The following SORBS2 variants were observed in gnomAD, a reference collection of about 807,000 sequenced individuals.
The protein encoded by SORBS2 is sorbin and SH3 domain-containing protein 2.
Under a neutral mutation model 97.7 loss-of-function variants are expected in SORBS2, and 46 were observed. The observed-to-expected ratio is 0.47, with a 90% CI of 0.37 to 0.60. The LOEUF is 0.60. SORBS2 is among the 20% of genes least tolerant of loss of function. SORBS2 has a pLI of 0.00. For synonymous variants in SORBS2, 476 were observed against 473.4 expected (o/e 1.01, Z -0.07); for missense variants, 1,316 against 1,282.3 (o/e 1.03, Z -0.40).
chr4:185,826,367 T>C (rs1373330885), intron 1 of SORBS2, among the ~76,000 whole-genome samples: 1 of 152,208 alleles, frequency 6.6e-6, no homozygotes, highest in Admixed American at 6.5e-5. Flanking sequence ...TACCCTGGTC[T>C]ACGATCACCA....
At chr4:185,609,946 C>A (rs1280081138) in intron 12 of SORBS2, among the ~76,000 whole-genome samples, 1 of 152,204 alleles carries the variant, frequency 6.6e-6, no homozygotes, top group Non-Finnish European at 1.5e-5. Flanking sequence ...TTAAGTATTT[C>A]TTCCTAATTA....
chr4:185,638,109 T>G, intron 4 of SORBS2: 1 of 1,611,006 alleles, frequency 6.2e-7, no homozygotes, highest in Non-Finnish European at 8.5e-7. Context: ...CTGAAAAGAA[T>G]TTATACCAGG....
intron 1 of SORBS2, among the ~76,000 whole-genome samples, chr4:185,901,618 AG>A (rs531756940): frequency 3.8e-4 from 58 of 152,368 alleles, no homozygotes; most frequent in African/African-American, 1.4e-3. Context: ...TCATGTCTAT[AG>A]AGCTTTTAAC....
At chr4:185,724,451 G>A (rs2098541283) in intron 2 of SORBS2, among the ~76,000 whole-genome samples, 1 of 152,028 alleles carries the variant, frequency 6.6e-6, no homozygotes, top group African/African-American at 2.4e-5. Context: ...CCACAAAACA[G>A]TATCCTATGG....
chr4:185,756,614 A>G (rs1466924649), intron 2 of SORBS2, among the ~76,000 whole-genome samples: 1 of 152,136 alleles, frequency 6.6e-6, no homozygotes, highest in Non-Finnish European at 1.5e-5. Context: ...AATATGTAAT[A>G]TAAGTAACAT....
intron 1 of SORBS2, among the ~76,000 whole-genome samples, chr4:185,943,963 A>C (rs917162312): frequency 5.3e-5 from 8 of 152,200 alleles, no homozygotes; most frequent in African/African-American, 1.9e-4. Context: ...TTGATGTACT[A>C]TTCTTTCAAT....
intron 1 of SORBS2, among the ~76,000 whole-genome samples, chr4:185,826,493 A>C (rs1311797148): frequency 6.6e-6 from 1 of 152,184 alleles, no homozygotes; most frequent in African/African-American, 2.4e-5. Context: ...AAGTCATCCT[A>C]GTCTCTAAAC....
rs2096510575 is a variant in SORBS2, at chr4:185,610,172, A to G, written c.2796+1608T>C. ...TAAATATTATATTAGGACATATGGA[A>G]GAATTTGTTAGATGTTTAATGAGCT... is the stretch of plus-strand genomic sequence containing the variant. On this transcript the variant is annotated intron_variant, in intron 12 of 14. Transcript: ENST00000418609. 3.3e-5 allele frequency among the ~76,000 whole-genome samples: 5 copies of G among 152,222 alleles called. No individual in the cohort carries two copies. The South Asian group carries it at 1.0e-3, about 32-fold the overall frequency.
chr4:185,624,008 A>T, exon 7 of SORBS2: 2 of 1,614,188 alleles, frequency 1.2e-6, no homozygotes, highest in South Asian at 1.1e-5. Flanking sequence ...CACGGAGCAG[A>T]TCACCTCGGA....
rs1475557407 is a variant in SORBS2 at position 185,662,094 on chromosome 4, A to G, written c.94+10T>C. 6 of 1,613,884 alleles carry G rather than the reference A, an allele frequency of 3.7e-6. No homozygotes were observed. Among genetic ancestry groups the G allele is most frequent in the Non-Finnish European group, 5.1e-6 (6 of 1,179,954 alleles). On this transcript the variant is annotated intron_variant, in intron 5 of 20. Transcript: ENST00000284776. ...GTTGCCATGGAAATCACGGTGAGTAAATTACTTACCGAGGGATGTGCCGTG... is the reference window on the plus strand; with the variant it reads ...GTTGCCATGGAAATCACGGTGAGTAGATTACTTACCGAGGGATGTGCCGTG...
intron 1 of SORBS2, among the ~76,000 whole-genome samples, chr4:185,816,886 C>T (rs1261475244): frequency 6.6e-6 from 1 of 152,086 alleles, no homozygotes; most frequent in African/African-American, 2.4e-5. Context: ...GAGAGAAAGC[C>T]AAACCTATTA....
At chr4:185,621,996 A>G (rs543583825) in intron 7 of SORBS2, among the ~76,000 whole-genome samples, 15 of 152,366 alleles carry the variant, frequency 9.8e-5, no homozygotes, top group Admixed American at 3.3e-4. Flanking sequence ...ACCAACTTTC[A>G]GCCCGGAATG....
intron 2 of SORBS2, among the ~76,000 whole-genome samples, chr4:185,717,581 A>G (rs560446798): frequency 2.6e-5 from 4 of 152,314 alleles, no homozygotes; most frequent in South Asian, 2.1e-4. Flanking sequence ...GCTTACACAT[A>G]TAGGTAGAAG....
At chr4:185,761,857 A>G (rs972009987) in intron 2 of SORBS2, among the ~76,000 whole-genome samples, 3 of 152,192 alleles carry the variant, frequency 2.0e-5, no homozygotes, top group Admixed American at 2.0e-4. Context: ...TCTAAACACA[A>G]TGCACTGAAT....
intron 1 of SORBS2, among the ~76,000 whole-genome samples, chr4:185,872,152 T>C (rs1008778402): frequency 6.6e-6 from 1 of 152,210 alleles, no homozygotes; most frequent in Non-Finnish European, 1.5e-5. Context: ...GCACCCTTAA[T>C]AGAAACTCTG....
At chr4:185,907,193 T>C (rs773038839) in intron 1 of SORBS2, among the ~76,000 whole-genome samples, 20 of 151,578 alleles carry the variant, frequency 1.3e-4, no homozygotes, top group Non-Finnish European at 2.8e-4. Flanking sequence ...ATCTATTCCA[T>C]CATATGCTCA....
intron 1 of SORBS2, among the ~76,000 whole-genome samples, chr4:185,936,695 G>A (rs2099269113): frequency 6.6e-6 from 1 of 152,108 alleles, no homozygotes; most frequent in African/African-American, 2.4e-5. Flanking sequence ...TCTTTGTCAA[G>A]TCACATGTCC....
chr4:185,830,294 G>A (rs577522401), intron 1 of SORBS2, among the ~76,000 whole-genome samples: 1 of 152,282 alleles, frequency 6.6e-6, no homozygotes, highest in South Asian at 2.1e-4. Flanking sequence ...GAGCCACTAA[G>A]CTATTGGAAT....
intron 12 of SORBS2, among the ~76,000 whole-genome samples, chr4:185,595,729 CT>C (rs975297808): frequency 1.1e-3 from 164 of 143,756 alleles, no homozygotes; most frequent in African/African-American, 3.2e-3. Flanking sequence ...CCATTCCTCT[CT>C]TTTTTTTTTA....
Sources: allele counts gnomAD v4.1 joint callset (sites outside exome capture counted in the v4.1 genomes callset), GRCh38; gene constraint gnomAD v4.1.1; transcripts MANE v1.5; gene names NCBI Gene and HGNC (gene_info 2026-07-23, HGNC 2026-07-21).